Variants in LTF observed in about 807,000 individuals in gnomAD.
LTF encodes lactotransferrin.
Under a neutral mutation model 87.2 loss-of-function variants are expected in LTF, and 91 were observed. That is an observed-to-expected ratio of 1.04 (90% CI 0.88 to 1.24). The LOEUF is 1.24. LTF is among the 50% of genes most tolerant of loss of function. The pLI, the probability that LTF is intolerant of heterozygous loss-of-function variation, is 0.00. For missense variants in LTF, 901 were observed against 904.3 expected (o/e 1.00, Z 0.05); for synonymous variants, 378 against 356.1 (o/e 1.06, Z -0.69).
intron 3 of LTF, 115 bp downstream of exon 3, chr3:46,456,175 T>C (rs1452836189): frequency 1.2e-5 from 12 of 1,000,920 alleles, no homozygotes; most frequent in Non-Finnish European, 1.8e-5. Context: ...CTCCATTCCC[T>C]ACATGTGTGA....
chr3:46,441,693 C>T lies in LTF; in HGVS notation c.1656-210G>A. 8.0e-6 allele frequency: 4 copies of T among 501,550 alleles called. No homozygotes were observed. In the South Asian group the frequency reaches 1.2e-4, roughly 15 times the overall value. 31.1% of individuals were successfully genotyped at this position (501,550 alleles called of 1,614,324 possible). On this transcript the variant is annotated intron_variant, in intron 13 of 16. Coordinates refer to ENST00000231751, the MANE Select transcript of LTF (RefSeq NM_002343.6). ...ACCCTATATAAAAGACATTACAAAA[C>T]CAAGAAATCTAAAGATATGCGACCC...
intron 11 of LTF, 57 bp downstream of exon 11, chr3:46,446,383 C>T (rs1003170992): frequency 6.9e-7 from 1 of 1,447,542 alleles, no homozygotes; most frequent in Non-Finnish European, 9.7e-7. Context: ...CCTGCCACTT[C>T]CTCTTCCAGC....
At chr3:46,447,970 C>G (rs2106856452) in intron 9 of LTF, among the ~76,000 whole-genome samples, 1 of 152,166 alleles carries the variant, frequency 6.6e-6, no homozygotes, top group South Asian at 2.1e-4. Flanking sequence ...GAATGCTCAC[C>G]ACAGGGTTAT....
At chr3:46,474,498 C>T (rs1476834210) in intron 1 of LTF, among the ~76,000 whole-genome samples, 1 of 152,146 alleles carries the variant, frequency 6.6e-6, no homozygotes, top group African/African-American at 2.4e-5. Context: ...ATAGACTCCA[C>T]AATTATAGTT....
At chr3:46,472,304 C>G (rs1703301241) in intron 1 of LTF, among the ~76,000 whole-genome samples, 1 of 151,970 alleles carries the variant, frequency 6.6e-6, no homozygotes, top group Non-Finnish European at 1.5e-5. Flanking sequence ...ATCCAGAGTC[C>G]TCTCGGGGGC....
Position 46,450,629 on chromosome 3 carries a change from A to G in LTF, c.748T>C (p.Cys250Arg), listed in dbSNP as rs370259908. The change falls in exon 7 of 17, where the codon TGC becomes CGC. Residue 250 changes from cysteine to arginine, a missense_variant. By Grantham distance (180) the Cys-to-Arg change is radical. Transcript: ENST00000231751. ...ACTGGCTTCCGAGTGTTGTCTGGGC[A>G]GAGTAACTCATACTCGTCCCTTTCA... ...EAERDEYELLCPDNTRKPVDK... is the reference protein window; with the variant it reads ...EAERDEYELLRPDNTRKPVDK... The G allele has an allele frequency of 6.2e-7, 1 of 1,614,050 alleles. No homozygotes were observed. The highest frequency in any genetic ancestry group is 1.3e-5 in the African/African-American group (1 of 74,938).
chr3:46,462,009 G>T (rs906232664), intron 1 of LTF, among the ~76,000 whole-genome samples: 3 of 152,130 alleles, frequency 2.0e-5, no homozygotes, highest in Admixed American at 6.5e-5. Context: ...AGTCTGCAGA[G>T]GTTTGGGGAC....
chr3:46,436,869 G>C (rs1351344104), intron 16 of LTF, among the ~76,000 whole-genome samples: 1 of 152,194 alleles, frequency 6.6e-6, no homozygotes. Context: ...TTATTGCAGG[G>C]GGCTGGCTGT....
At position 46,446,313 on chromosome 3, in the gene LTF, AT is replaced by A. The variant is rs112696410; in HGVS notation, c.1357+126del. On this transcript the variant is annotated intron_variant, in intron 11 of 16. Transcript: ENST00000231751. ...GTGAATTATTTGCACCCTTAAAATT[AT>A]TGCTCCTAGAAGCCCTATAGCTTCT... 2.1e-5 allele frequency: 4 copies of A among 194,570 alleles called. No individual in the cohort carries two copies. In the African/African-American group the frequency reaches 3.8e-4, roughly 19 times the overall value. 12.1% of individuals were successfully genotyped at this position (194,570 alleles called of 1,614,324 possible). A position where few individuals can be genotyped will look rare whatever the true frequency, so the allele number is the denominator to read the frequency against.
chr3:46,473,935 C>T (rs145329469), intron 1 of LTF, among the ~76,000 whole-genome samples: 1 of 152,234 alleles, frequency 6.6e-6, no homozygotes, highest in Middle Eastern at 3.4e-3. Flanking sequence ...GTAATACCTA[C>T]GGTAACCACT....
At position 46,448,918 on chromosome 3, in the gene LTF, C is replaced by G; in HGVS notation, c.1157G>C (p.Gly386Ala). 1 of 1,613,852 alleles carries G rather than the reference C, an allele frequency of 6.2e-7. No individual in the cohort carries two copies. The highest frequency in any genetic ancestry group is 8.5e-7 in the Non-Finnish European group (1 of 1,179,954). Residue 386 changes from glycine (G) to alanine (A), a missense_variant, in exon 9 of 17, where the codon GGC (glycine) becomes GCC (alanine). Gly to Ala is a moderately conservative substitution (Grantham distance 60). Transcript: ENST00000231751. ...GGAGGCCGAGGAGCAGGTCACGCTG[C>G]CTTCGCTCAAGCCACTCCACTGGTT... ...KCNQWSGLSE[G>A]SVTCSSASTT... is the part of the protein sequence containing the mutation.
In LTF at chr3:46,470,794, G is replaced by A. The variant is rs1703272388; in HGVS notation, c.-319-328C>T. Among the ~76,000 whole-genome samples the A allele has an allele frequency of 2.6e-5, 4 of 152,168 alleles. No homozygotes were observed. The South Asian group carries it at 6.2e-4, about 24-fold the overall frequency. ...ACCCTAAACAGCTCCCTGGACCTAG[G>A]TCAGTCTCTCAACCTATCTGAGCCT... On this transcript the variant is annotated intron_variant, in intron 1 of 19. Transcript: ENST00000443496.
Position 46,464,717 on chromosome 3 carries a change from G to A in LTF, c.43+108C>T, listed in dbSNP as rs558916476. 4.1e-6 allele frequency: 5 copies of A among 1,232,300 alleles called. No homozygotes were observed. The Admixed American group carries it at 6.7e-5, about 16-fold the overall frequency. The allele number at this position is 1,232,300 out of a possible 1,614,324, so 76.3% of individuals were successfully genotyped here. The stretch of plus-strand genomic sequence containing the variant: ...GCTGTAGGCGCTGGGACCGCGGGGC[G>A]CAGAGACCCCGCGCCCAGCCAACCG... On this transcript the variant is annotated intron_variant, in intron 1 of 16. Transcript: ENST00000231751.
upstream of LTF, chr3:46,465,139 A>C: frequency 1.9e-6 from 1 of 523,974 alleles, no homozygotes; most frequent in Non-Finnish European, 3.4e-6. Context: ...TTTCTCTCCC[A>C]CTAGTCTGCA....
intron 15 of LTF, 107 bp from the exon 16 acceptor site, chr3:46,438,236 T>C (rs756875126): frequency 3.1e-5 from 29 of 929,100 alleles, no homozygotes; most frequent in South Asian, 4.7e-5. Flanking sequence ...GAGAAAACCA[T>C]GGGGCAGAAG....
At chr3:46,454,145 T>A in intron 6 of LTF, 160 bp downstream of exon 6, 1 of 708,220 alleles carries the variant, frequency 1.4e-6, no homozygotes, top group Middle Eastern at 2.5e-4. Flanking sequence ...AGAAAACTGA[T>A]CATTTAAAAT....
At chr3:46,438,199 G>A in intron 15 of LTF, 70 bp from the exon 16 acceptor site, 1 of 1,288,388 alleles carries the variant, frequency 7.8e-7, no homozygotes, top group Non-Finnish European at 1.1e-6. Context: ...AGGCAAAGGG[G>A]TATTTCTTCC....
chr3:46,455,420 G>A lies in LTF; in HGVS notation c.522C>T (p.Ala174=), dbSNP rs145526650. Residue 174 remains alanine (A), a synonymous_variant, in exon 5 of 17, where the codon GCC becomes GCT. Coordinates refer to ENST00000231751, the MANE Select transcript of LTF (RefSeq NM_002343.6). The part of the protein sequence containing the change: ...IEAAVARFFS[A]SCVPGADKGQ... The stretch of plus-strand genomic sequence containing the variant: ...CTTTATCTGCACCGGGAACACAGCT[G>A]GCTGAGAAGAACCTGGCCACAGCTG... The A allele has an allele frequency of 4.6e-3, 7,345 of 1,614,244 alleles. 21 individuals are homozygous for A. The highest frequency in any genetic ancestry group is 5.7e-3 in the Non-Finnish European group (6,670 of 1,180,036).
intron 12 of LTF, among the ~76,000 whole-genome samples, chr3:46,443,968 G>A (rs1400694518): frequency 6.6e-6 from 1 of 152,148 alleles, no homozygotes; most frequent in African/African-American, 2.4e-5. Flanking sequence ...TTTGTATCTG[G>A]GTGCTTGGCC....
Sources: allele counts gnomAD v4.1 joint callset (sites outside exome capture counted in the v4.1 genomes callset), GRCh38; gene constraint gnomAD v4.1.1; transcripts MANE v1.5; gene names NCBI Gene and HGNC (gene_info 2026-07-23, HGNC 2026-07-21).